Variants in HDGFL3 observed in about 807,000 individuals in gnomAD.
HDGFL3 encodes the protein HDGF like 3, also known as hepatoma-derived growth factor-related protein 3.
In HDGFL3, 6 loss-of-function variants were observed where a neutral mutation model predicts 27.6. The observed-to-expected ratio is 0.22, with a 90% confidence interval of 0.12 to 0.43. HDGFL3 has a LOEUF of 0.43. Among genes scored for constraint, HDGFL3 ranks in the 20% least tolerant of loss-of-function variants. HDGFL3 has a pLI of 1.00. For synonymous variants in HDGFL3, 88 were observed against 88.9 expected, an observed-to-expected ratio of 0.99 and a Z score of 0.05; for missense variants, 207 against 250.1, an observed-to-expected ratio of 0.83 and a Z score of 1.16.
Position 83,150,467 on chromosome 15 carries a change from T to C in HDGFL3, c.606+748A>G, listed in dbSNP as rs148349053. 2.0e-5 allele frequency among the ~76,000 whole-genome samples: 3 copies of C among 152,098 alleles called. No individual in the cohort carries two copies. In the East Asian group the frequency reaches 5.8e-4, roughly 29 times the overall value. ...CAGAATCATAATACTTTGGGAGTAA[T>C]TATAGATAACTGGGATGAAGGAAGA... On this transcript the variant is annotated intron_variant, in intron 5 of 5. Transcript: ENST00000299633.
chr15:83,162,603 A>G (rs1365718155), intron 2 of HDGFL3, among the ~76,000 whole-genome samples: 1 of 152,162 alleles, frequency 6.6e-6, no homozygotes, highest in African/African-American at 2.4e-5. Flanking sequence ...CATAGTCCAT[A>G]ATGTCTATTA....
At position 83,121,914 on chromosome 15, in the gene HDGFL3, G is replaced by T. The variant is rs368217801; in HGVS notation, c.394-6173C>A. On this transcript the variant is annotated intron_variant, in intron 3 of 3. Transcript: ENST00000568294. ...AAGTCAAGATTTTTTTGTTGTTGTT[G>T]TTACAGGGAAACTTATAGAACCATT... 3.1e-5 allele frequency: 50 copies of T among 1,592,188 alleles called. No homozygotes were observed. In the African/African-American group the frequency reaches 6.4e-4, roughly 20 times the overall value.
chr15:83,197,073 A>T (rs1310384420), intron 1 of HDGFL3, among the ~76,000 whole-genome samples: 1 of 152,216 alleles, frequency 6.6e-6, no homozygotes, highest in Non-Finnish European at 1.5e-5. Flanking sequence ...TTGTAGTTAA[A>T]TAAATCTTTA....
At chr15:83,184,009 C>T (rs1332604654) in intron 1 of HDGFL3, among the ~76,000 whole-genome samples, 1 of 152,136 alleles carries the variant, frequency 6.6e-6, no homozygotes, top group East Asian at 1.9e-4. Flanking sequence ...ATCTTCCAAG[C>T]CTTGCCTCTC....
intron 4 of HDGFL3, among the ~76,000 whole-genome samples, chr15:83,155,056 G>A (rs1387400435): frequency 1.3e-5 from 2 of 151,972 alleles, no homozygotes; most frequent in African/African-American, 4.8e-5. Context: ...GTGGAGATGA[G>A]GTCTCACTAT....
At chr15:83,183,174 T>C (rs893317050) in intron 1 of HDGFL3, among the ~76,000 whole-genome samples, 5 of 152,204 alleles carry the variant, frequency 3.3e-5, no homozygotes, top group Non-Finnish European at 7.3e-5. Flanking sequence ...TTTAAAACCC[T>C]GTACAGATTG....
intron 4 of HDGFL3, 28 bp from the exon 5 acceptor site, chr15:83,151,389 T>C (rs769038074): frequency 2.7e-5 from 42 of 1,576,910 alleles, no homozygotes; most frequent in Admixed American, 3.8e-5. Flanking sequence ...TTAAATATTA[T>C]AGTCAAAAGC....
chr15:83,125,916 T>TA (rs2035709916), downstream of HDGFL3, among the ~76,000 whole-genome samples: 1 of 152,194 alleles, frequency 6.6e-6, no homozygotes, highest in African/African-American at 2.4e-5. Flanking sequence ...GGAAGAGAAG[T>TA]AAAGAAGGCA....
intron 2 of HDGFL3, among the ~76,000 whole-genome samples, chr15:83,162,294 C>T (rs1041096358): frequency 1.2e-4 from 18 of 152,088 alleles, no homozygotes; most frequent in Non-Finnish European, 1.8e-4. Context: ...TACTTAGTAA[C>T]TAAGTTCAGT....
At chr15:83,204,049 A>C (rs1371309238) in intron 1 of HDGFL3, among the ~76,000 whole-genome samples, 1 of 148,926 alleles carries the variant, frequency 6.7e-6, no homozygotes, top group African/African-American at 2.5e-5. Flanking sequence ...CTGCTATTTA[A>C]TGTTAGAATA....
intron 1 of HDGFL3, among the ~76,000 whole-genome samples, chr15:83,168,341 C>A (rs1000467142): frequency 6.6e-6 from 1 of 152,072 alleles, no homozygotes; most frequent in African/African-American, 2.4e-5. Context: ...ACCCAAAAAT[C>A]CATGCAAGGA....
At chr15:83,152,394 T>C (rs2036974858) in intron 4 of HDGFL3, among the ~76,000 whole-genome samples, 1 of 151,904 alleles carries the variant, frequency 6.6e-6, no homozygotes, top group Admixed American at 6.6e-5. Context: ...ACCCTGTCTC[T>C]ACTAAAACTA....
intron 1 of HDGFL3, among the ~76,000 whole-genome samples, chr15:83,201,792 C>T (rs1323514414): frequency 6.6e-6 from 1 of 152,078 alleles, no homozygotes; most frequent in Admixed American, 6.6e-5. Flanking sequence ...GGAAAATGAA[C>T]ATATTGGTAT....
intron 1 of HDGFL3, among the ~76,000 whole-genome samples, chr15:83,206,142 G>T (rs1454830716): frequency 6.6e-6 from 1 of 152,172 alleles, no homozygotes; most frequent in Non-Finnish European, 1.5e-5. Flanking sequence ...TTTAAAAAGT[G>T]ATTATGTCCA....
At chr15:83,115,466 C>T in exon 4 of HDGFL3, 1 of 374,194 alleles carries the variant, frequency 2.7e-6, no homozygotes, top group Non-Finnish European at 5.2e-6. Context: ...TCCTTGGCCA[C>T]TCAGTTACTG....
intron 1 of HDGFL3, among the ~76,000 whole-genome samples, chr15:83,203,797 TTG>T (rs1000328733): frequency 1.3e-5 from 2 of 151,598 alleles, no homozygotes; most frequent in Admixed American, 6.6e-5. Context: ...TAGTTTCTTT[TTG>T]TGTTTATTTT....
At chr15:83,174,429 C>T (rs1245592224) in intron 1 of HDGFL3, among the ~76,000 whole-genome samples, 2 of 151,556 alleles carry the variant, frequency 1.3e-5, no homozygotes, top group African/African-American at 4.8e-5. Flanking sequence ...TCCTTGTTCC[C>T]AGGATTTCCC....
At chr15:83,173,663 A>T (rs2037273542) in intron 1 of HDGFL3, among the ~76,000 whole-genome samples, 1 of 152,056 alleles carries the variant, frequency 6.6e-6, no homozygotes. Flanking sequence ...AACCCCATTC[A>T]CTTAGATGAT....
At chr15:83,193,336 C>T (rs2037534403) in intron 1 of HDGFL3, among the ~76,000 whole-genome samples, 1 of 151,962 alleles carries the variant, frequency 6.6e-6, no homozygotes, top group Non-Finnish European at 1.5e-5. Context: ...GAAAAGATGC[C>T]CAACATTACT....
Sources: allele counts gnomAD v4.1 joint callset (sites outside exome capture counted in the v4.1 genomes callset), GRCh38; gene constraint gnomAD v4.1.1; transcripts MANE v1.5; gene names NCBI Gene and HGNC (gene_info 2026-07-23, HGNC 2026-07-21).